VCP: variants seen among roughly 807,000 people sequenced by gnomAD.
The protein encoded by VCP is transitional endoplasmic reticulum ATPase.
A neutral mutation model predicts 85.7 loss-of-function variants in VCP; 6 were observed. The ratio of observed to expected loss-of-function variants is 0.07; its 90% CI spans 0.04 to 0.14. The LOEUF (loss-of-function observed/expected upper bound fraction) is 0.14. VCP is among the 10% of genes least tolerant of loss of function. The probability of loss-of-function intolerance (pLI) is 1.00; values close to 1 mark genes in which losing one functional copy is unlikely to be tolerated. For synonymous variants in VCP, 384 were observed against 367.1 expected (o/e 1.05, Z -0.53); for missense variants, 353 against 1,043.4 (o/e 0.34, Z 9.12).
At chr9:35,069,158 A>G (rs574182436) in intron 1 of VCP, among the ~76,000 whole-genome samples, 1 of 152,326 alleles carries the variant, frequency 6.6e-6, no homozygotes, top group East Asian at 1.9e-4. Flanking sequence ...ATTTGGAAAA[A>G]ACACTAACAG....
At chr9:35,063,194 A>C (rs547374300) in intron 6 of VCP, 114 bp from the exon 7 acceptor site, 1 of 897,080 alleles carries the variant, frequency 1.1e-6, no homozygotes, top group Non-Finnish European at 1.8e-6. Context: ...CAATATTAAG[A>C]ATAAGCCCTC....
intron 1 of VCP, among the ~76,000 whole-genome samples, chr9:35,069,890 G>C (rs1471377057): frequency 6.6e-6 from 1 of 152,178 alleles, no homozygotes; most frequent in Non-Finnish European, 1.5e-5. Context: ...ACAAATTCAT[G>C]AGTCTCTATT....
At chr9:35,072,000 C>T in intron 1 of VCP, 1 of 1,125,782 alleles carries the variant, frequency 8.9e-7, no homozygotes, top group Non-Finnish European at 1.1e-6. Flanking sequence ...CCCCGGGGCG[C>T]CGCGCCGGCG....
Position 35,072,375 on chromosome 9 carries a change from G to A in VCP, c.-22C>T. 6.8e-7 allele frequency: 1 copy of A among 1,474,410 alleles called. No individual in the cohort carries two copies. Among genetic ancestry groups the A allele is most frequent in the Non-Finnish European group, 8.9e-7 (1 of 1,119,368 alleles). 91.3% of individuals were successfully genotyped at this position (1,474,410 alleles called of 1,614,324 possible). A position where few individuals can be genotyped will look rare whatever the true frequency, so the allele number is the denominator to read the frequency against. On this transcript the variant is annotated 5_prime_UTR_variant, in exon 1 of 17. Coordinates refer to ENST00000358901, the MANE Select transcript of VCP (RefSeq NM_007126.5). The stretch of plus-strand genomic sequence containing the variant: ...CCATGGCGCGCGCCTCTCCCGGCCG[G>A]CGGCTGTGGCGGCCCGCGGGTAACG...
At chr9:35,058,765 T>C (rs1017440340) in intron 15 of VCP, among the ~76,000 whole-genome samples, 17 of 151,334 alleles carry the variant, frequency 1.1e-4, no homozygotes, top group Non-Finnish European at 2.2e-4. Context: ...AGACTTCGTC[T>C]CAAAAAAAAA....
intron 3 of VCP, 136 bp downstream of exon 3, chr9:35,067,755 G>A: frequency 2.6e-6 from 3 of 1,164,576 alleles, no homozygotes; most frequent in Non-Finnish European, 3.8e-6. Context: ...TGAAGCATAA[G>A]TCTTCCCATG....
chr9:35,066,947 G>C (rs751429960), intron 3 of VCP, 130 bp from the exon 4 acceptor site: 11 of 1,446,966 alleles, frequency 7.6e-6, no homozygotes, highest in Non-Finnish European at 1.1e-5. Context: ...TAGGCGAAGA[G>C]AGGAAGGAGA....
At position 35,061,023 on chromosome 9, in the gene VCP, C is replaced by A; in HGVS notation, c.1351G>T (p.Asp451Tyr). The part of the protein sequence containing the change: ...VMNSLAVTMD[D>Y]FRWALSQSNP... ...ACGGGTGTGGTCCTTACCCGGAAGTCATCCATAGTAACTGCTAGAGAGTTC... is the reference window on the plus strand; with the variant it reads ...ACGGGTGTGGTCCTTACCCGGAAGTAATCCATAGTAACTGCTAGAGAGTTC... Residue 451 changes from aspartate to tyrosine, a missense_variant, in exon 11 of 17, where the codon GAC becomes TAC. By Grantham distance (160) the Asp-to-Tyr change is radical. Transcript: ENST00000358901. The A allele has an allele frequency of 6.2e-7, 1 of 1,614,114 alleles. No individual in the cohort carries two copies. Among genetic ancestry groups the A allele is most frequent in the South Asian group, 1.1e-5 (1 of 91,064 alleles).
chr9:35,072,082 C>T, intron 1 of VCP: 1 of 1,303,754 alleles, frequency 7.7e-7, no homozygotes, highest in East Asian at 3.5e-5. Context: ...CCGGGGCCTG[C>T]ATGACACAGC....
In VCP at chr9:35,056,919, C is replaced by G. The variant is rs1176736944; in HGVS notation, c.*198G>C. 1.6e-6 allele frequency: 1 copy of G among 610,718 alleles called. No individual in the cohort carries two copies. Among genetic ancestry groups the G allele is most frequent in the Admixed American group, 2.6e-5 (1 of 38,100 alleles). The allele number at this position is 610,718 out of a possible 1,614,324, so 37.8% of individuals were successfully genotyped here. A position where few individuals can be genotyped will look rare whatever the true frequency, so the allele number is the denominator to read the frequency against. ...CACTCTCCGCCTACCAAATGAAAAT[C>G]GCTTTTATTTTATCGCTTTTGTTTT... On this transcript the variant is annotated 3_prime_UTR_variant, in exon 17 of 17. Coordinates refer to ENST00000358901, the MANE Select transcript of VCP (RefSeq NM_007126.5).
intron 10 of VCP, 112 bp downstream of exon 10, chr9:35,061,463 CCT>C (rs1828719145): frequency 9.0e-7 from 1 of 1,107,556 alleles, no homozygotes; most frequent in Non-Finnish European, 1.4e-6. Context: ...CTTCCTTTCC[CCT>C]GTCCAGAAAT....
intron 7 of VCP, 92 bp downstream of exon 7, chr9:35,062,886 G>C (rs1828753741): frequency 3.2e-5 from 37 of 1,141,314 alleles, no homozygotes; most frequent in Non-Finnish European, 4.8e-5. Flanking sequence ...GGAGGGCATG[G>C]GTGCAAAAAG....
At chr9:35,068,466 C>T (rs1264989025) in intron 1 of VCP, 104 bp from the exon 2 acceptor site, 1 of 1,071,280 alleles carries the variant, frequency 9.3e-7, no homozygotes, top group East Asian at 2.4e-5. Context: ...GAAGCTGTCC[C>T]TAGACCAGAA....
intron 4 of VCP, among the ~76,000 whole-genome samples, chr9:35,066,074 C>G (rs900422438): frequency 1.3e-5 from 2 of 151,100 alleles, no homozygotes; most frequent in Non-Finnish European, 2.9e-5. Context: ...TGCAGTGAGC[C>G]GAGATTGCAC....
At chr9:35,069,758 CTT>C (rs1449955065) in intron 1 of VCP, among the ~76,000 whole-genome samples, 1 of 152,138 alleles carries the variant, frequency 6.6e-6, no homozygotes, top group East Asian at 1.9e-4. Context: ...AGCGCTCTCT[CTT>C]TTTTAAGAGC....
In VCP at chr9:35,057,416, C is replaced by A. The variant is rs769153776; in HGVS notation, c.2275G>T (p.Ala759Ser). The change falls in exon 16 of 17, where the codon GCC (alanine) becomes TCC (serine). Residue 759 changes from alanine to serine, a missense_variant. Ala to Ser is a moderately conservative substitution (Grantham distance 99). This residue lies in a region of VCP where 93 missense variants were observed against 197.1 expected (regional missense o/e 0.47). Transcript: ENST00000358901. Reference protein sequence around the residue: ...DNDIRKYEMFAQTLQQSRGFG... With the variant: ...DNDIRKYEMFSQTLQQSRGFG... ...CCCCGACTCTGCTGAAGGGTCTGGG[C>A]AAACATCTCATACTTCCGAATGTCA... The A allele has an allele frequency of 1.2e-6, 2 of 1,614,272 alleles. No individual in the cohort carries two copies. The highest frequency in any genetic ancestry group is 1.1e-5 in the South Asian group (1 of 91,088).
At chr9:35,062,678 G>A (rs1828749614) in intron 7 of VCP, among the ~76,000 whole-genome samples, 1 of 152,112 alleles carries the variant, frequency 6.6e-6, no homozygotes, top group Non-Finnish European at 1.5e-5. Flanking sequence ...AGTGATCAAA[G>A]TTCATTTGCC....
intron 1 of VCP, among the ~76,000 whole-genome samples, chr9:35,070,291 A>G (rs1484030764): frequency 6.6e-6 from 1 of 152,048 alleles, no homozygotes; most frequent in African/African-American, 2.4e-5. Context: ...AGCATGCTCA[A>G]TGTGACAGTT....
chr9:35,059,658 T>C lies in VCP; in HGVS notation c.1839A>G (p.Thr613=), dbSNP rs77203288. The C allele has an allele frequency of 6.2e-7, 1 of 1,614,154 alleles. No individual in the cohort carries two copies. Among genetic ancestry groups the C allele is most frequent in the Non-Finnish European group, 8.5e-7 (1 of 1,180,032 alleles). The change falls in exon 14 of 17, where the codon ACA becomes ACG. Residue 613 remains threonine, a synonymous_variant. Transcript: ENST00000358901. This position sits in a 1 kb window ranked among gnomAD's most constrained non-coding sequence, Gnocchi z 4.9. ...QILTEMDGMS[T]KKNVFIIGAT... ...CGCCAATGATGAACACATTTTTTTT[T>C]GTGGACATGCCATCCATTTCTGTCA...
Sources: gnomAD v4.1 joint callset for allele counts (sites outside exome capture counted in the v4.1 genomes callset) on GRCh38, gnomAD v4.1.1 for gene constraint, gnomAD v4.1.1 regional missense constraint, Gnocchi (gnomAD v3.1) non-coding constraint, MANE v1.5 for transcripts, NCBI Gene and HGNC (gene_info 2026-07-23, HGNC 2026-07-21) for gene names.